BMPR2: variants seen among roughly 807,000 people sequenced by gnomAD.
BMPR2 encodes bone morphogenetic protein receptor type 2.
Under a neutral mutation model 100.8 loss-of-function variants are expected in BMPR2, and 29 were observed. The observed-to-expected ratio is 0.29, with a 90% CI of 0.21 to 0.39. The LOEUF is 0.39. Ranked by LOEUF, BMPR2 falls within the 10% of genes least tolerant of loss-of-function variation. BMPR2 has a pLI of 1.00. For synonymous variants in BMPR2, 382 were observed against 442.3 expected (o/e 0.86, Z 1.71); for missense variants, 1,011 against 1,274.5 (o/e 0.79, Z 3.15).
At chr2:202,540,527 C>A (rs995884594) in intron 9 of BMPR2, among the ~76,000 whole-genome samples, 3 of 152,168 alleles carry the variant, frequency 2.0e-5, no homozygotes, top group African/African-American at 7.2e-5. Flanking sequence ...AGTATTACAA[C>A]AAACTTGGGC....
chr2:202,456,570 A>G (rs1489956226), intron 1 of BMPR2, among the ~76,000 whole-genome samples: 2 of 146,766 alleles, frequency 1.4e-5, no homozygotes, highest in Non-Finnish European at 3.0e-5. Flanking sequence ...GCTGGAGTAC[A>G]GTGGCACGAT....
At chr2:202,559,316 A>T (rs1225037685) in intron 12 of BMPR2, among the ~76,000 whole-genome samples, 1 of 152,114 alleles carries the variant, frequency 6.6e-6, no homozygotes, top group Non-Finnish European at 1.5e-5. Context: ...AAAAAAAAAA[A>T]AAATTTGATC....
Position 202,402,143 on chromosome 2 carries a change from A to C in BMPR2, c.76+24593A>C, listed in dbSNP as rs148718696. 4.6e-4 allele frequency among the ~76,000 whole-genome samples: 70 copies of C among 152,298 alleles called. 1 individual carries two copies. Among genetic ancestry groups the C allele is most frequent in the African/African-American group, 1.7e-3 (69 of 41,570 alleles). Reference sequence around the variant, plus strand: ...GCAGTTGGGGAAGGGAATGAGGTGGAGGTGGGAGGTGGAATAGGCCTTTTT... The same window carrying C: ...GCAGTTGGGGAAGGGAATGAGGTGGCGGTGGGAGGTGGAATAGGCCTTTTT... On this transcript the variant is annotated intron_variant, in intron 1 of 12. Transcript: ENST00000374580.
chr2:202,433,258 T>C (rs2105932636), intron 1 of BMPR2, among the ~76,000 whole-genome samples: 1 of 150,016 alleles, frequency 6.7e-6, no homozygotes, highest in South Asian at 2.1e-4. Flanking sequence ...AGTAGATAGG[T>C]AGGTAGGTAG....
chr2:202,472,336 A>C (rs1483785110), intron 3 of BMPR2, among the ~76,000 whole-genome samples: 1 of 152,216 alleles, frequency 6.6e-6, no homozygotes, highest in African/African-American at 2.4e-5. Flanking sequence ...CAAAGTCTCT[A>C]ATTTTCACTT....
chr2:202,440,837 TG>T (rs1224967411), intron 1 of BMPR2, among the ~76,000 whole-genome samples: 6 of 150,634 alleles, frequency 4.0e-5, no homozygotes, highest in African/African-American at 1.5e-4. Flanking sequence ...AGAGCAGTTG[TG>T]GGTTTTTCAT....
chr2:202,497,022 C>T (rs1357516516), intron 3 of BMPR2, among the ~76,000 whole-genome samples: 4 of 152,342 alleles, frequency 2.6e-5, no homozygotes, highest in South Asian at 4.1e-4. Flanking sequence ...CCAGCCCTGC[C>T]GGCCCCAGGC....
intron 1 of BMPR2, among the ~76,000 whole-genome samples, chr2:202,428,981 A>C (rs1559035668): frequency 6.6e-6 from 1 of 152,208 alleles, no homozygotes; most frequent in Non-Finnish European, 1.5e-5. Flanking sequence ...GGGTCCACAG[A>C]GTAAAGCAAA....
intron 1 of BMPR2, among the ~76,000 whole-genome samples, chr2:202,443,552 CTT>C (rs1179138303): frequency 1.3e-5 from 2 of 149,264 alleles, no homozygotes; most frequent in Non-Finnish European, 2.9e-5. Context: ...CTGTCTCTCT[CTT>C]TCTCTCTTTC....
intron 1 of BMPR2, among the ~76,000 whole-genome samples, chr2:202,413,857 G>T (rs1691067410): frequency 6.6e-6 from 1 of 152,036 alleles, no homozygotes; most frequent in Admixed American, 6.6e-5. Context: ...TAGAGATGAG[G>T]TTTCACCATG....
rs1163983933 is a variant in BMPR2 at position 202,566,685 on chromosome 2, G to A, written c.*6739G>A. On this transcript the variant is annotated 3_prime_UTR_variant, in exon 13 of 13. Coordinates refer to ENST00000374580, the MANE Select transcript of BMPR2 (RefSeq NM_001204.7). ...TCAAGAGACAATTTAACGTTATAAA[G>A]CCTTCTAAAAGTGAACTAAATATTT... 6.6e-6 allele frequency: 1 copy of A among 152,124 alleles called. No homozygotes were observed. The highest frequency in any genetic ancestry group is 2.1e-4 in the South Asian group (1 of 4,826). The allele number at this position is 152,124 out of a possible 1,614,324, so 9.4% of individuals were successfully genotyped here. A position where few individuals can be genotyped will look rare whatever the true frequency, so the allele number is the denominator to read the frequency against.
Position 202,556,017 on chromosome 2 carries a change from C to T in BMPR2, c.2352C>T (p.Val784=), listed in dbSNP as rs767560978. Residue 784 remains valine (V), a synonymous_variant, in exon 12 of 13, where the codon GTC becomes GTT. Coordinates refer to ENST00000374580, the MANE Select transcript of BMPR2 (RefSeq NM_001204.7). ...AGCACAAATCAAACTTGAAACAAGT[C>T]GAAACTGGAGTTGCCAAGATGAATA... ...GSKHKSNLKQ[V]ETGVAKMNTI... 77 of 1,614,008 alleles carry T rather than the reference C, an allele frequency of 4.8e-5. No homozygotes were observed. Among genetic ancestry groups the T allele is most frequent in the Non-Finnish European group, 6.0e-5 (71 of 1,180,018 alleles).
intron 1 of BMPR2, among the ~76,000 whole-genome samples, chr2:202,407,162 C>T (rs1010922034): frequency 2.6e-5 from 4 of 151,444 alleles, no homozygotes; most frequent in African/African-American, 7.3e-5. Context: ...AGGCTGGTTT[C>T]GAACTCCTGA....
chr2:202,543,087 G>A (rs778449284), intron 10 of BMPR2, among the ~76,000 whole-genome samples: 14 of 150,428 alleles, frequency 9.3e-5, no homozygotes, highest in Non-Finnish European at 1.8e-4. Flanking sequence ...TGAGGCAGGA[G>A]AATTGCTTGA....
chr2:202,427,839 A>G (rs1473352560), intron 1 of BMPR2, among the ~76,000 whole-genome samples: 2 of 151,934 alleles, frequency 1.3e-5, no homozygotes, highest in African/African-American at 4.8e-5. Context: ...TTAGCCAGGC[A>G]TGGTGGCACG....
At chr2:202,553,906 T>C (rs1688522296) in intron 11 of BMPR2, among the ~76,000 whole-genome samples, 2 of 152,180 alleles carry the variant, frequency 1.3e-5, no homozygotes, top group Non-Finnish European at 2.9e-5. Flanking sequence ...CAGACTGGTC[T>C]CAAACTCCCG....
In BMPR2 at chr2:202,522,192, A is replaced by C. The variant is rs541697038; in HGVS notation, c.967+1991A>C. On this transcript the variant is annotated intron_variant, in intron 7 of 12. Coordinates refer to ENST00000374580, the MANE Select transcript of BMPR2 (RefSeq NM_001204.7). ...AAAAAAACGAAAGAAAAAGAACTTCAAGACTTACAGGGACCATTAAGAATT... is the reference window on the plus strand; with the variant it reads ...AAAAAAACGAAAGAAAAAGAACTTCCAGACTTACAGGGACCATTAAGAATT... 4.6e-5 allele frequency among the ~76,000 whole-genome samples: 7 copies of C among 151,674 alleles called. No homozygotes were observed. In the South Asian group the frequency reaches 1.5e-3, roughly 32 times the overall value.
intron 1 of BMPR2, among the ~76,000 whole-genome samples, chr2:202,453,901 G>C (rs999194018): frequency 1.3e-5 from 2 of 152,064 alleles, no homozygotes; most frequent in African/African-American, 4.8e-5. Flanking sequence ...TTAACTCATT[G>C]CATGTCTGTA....
At chr2:202,543,038 G>A (rs13021755) in intron 10 of BMPR2, among the ~76,000 whole-genome samples, 9,204 of 151,468 alleles carry the variant, frequency 0.061, 372 homozygotes, top group South Asian at 0.14. Context: ...TTAGCCGGGC[G>A]TGGTGGCGTG....
Sources: allele counts gnomAD v4.1 joint callset (sites outside exome capture counted in the v4.1 genomes callset), GRCh38; gene constraint gnomAD v4.1.1; transcripts MANE v1.5; gene names NCBI Gene and HGNC (gene_info 2026-07-23, HGNC 2026-07-21).